The following PPFIA1 variants were observed in gnomAD, a reference collection of about 807,000 sequenced individuals.
The protein encoded by PPFIA1 is liprin-alpha-1.
Under a neutral mutation model 149.9 loss-of-function variants are expected in PPFIA1, and 25 were observed. That is an observed-to-expected ratio of 0.17 (90% CI 0.12 to 0.23). The LOEUF is 0.23. Ranked by LOEUF, PPFIA1 falls within the 10% of genes least tolerant of loss-of-function variation. The probability of loss-of-function intolerance (pLI) is 1.00; values close to 1 mark genes in which losing one functional copy is unlikely to be tolerated. For missense variants in PPFIA1, 1,362 were observed against 1,506.5 expected, an observed-to-expected ratio of 0.90 and a Z score of 1.59; for synonymous variants, 549 against 552.8, an observed-to-expected ratio of 0.99 and a Z score of 0.10.
intron 2 of PPFIA1, among the ~76,000 whole-genome samples, chr11:70,296,282 C>T (rs572739289): frequency 2.1e-4 from 32 of 152,016 alleles, no homozygotes; most frequent in African/African-American, 7.2e-4. Flanking sequence ...GACGGGGTGG[C>T]GGCCGGGCAG....
intron 2 of PPFIA1, among the ~76,000 whole-genome samples, chr11:70,322,068 G>C (rs962556592): frequency 1.3e-5 from 2 of 152,038 alleles, no homozygotes; most frequent in African/African-American, 4.8e-5. Context: ...TAGTAGAGAT[G>C]GTGTTTCTCC....
intron 2 of PPFIA1, among the ~76,000 whole-genome samples, chr11:70,315,678 G>GTTTTTTTTT (rs71049904): frequency 5.5e-5 from 4 of 73,014 alleles, no homozygotes; most frequent in South Asian, 6.2e-4. Flanking sequence ...CTTTTTTTCT[G>GTTTTTTTTT]TTTTTTTTTT....
chr11:70,283,886 C>T (rs1369530460), intron 2 of PPFIA1: 1 of 470,322 alleles, frequency 2.1e-6, no homozygotes, highest in East Asian at 6.9e-5. Flanking sequence ...GCAGTGGAGC[C>T]CCCTCAACAA....
At chr11:70,299,897 C>A (rs969717848) in intron 2 of PPFIA1, among the ~76,000 whole-genome samples, 2 of 152,248 alleles carry the variant, frequency 1.3e-5, no homozygotes, top group African/African-American at 4.8e-5. Flanking sequence ...ACCAGCCTAA[C>A]CTCAGCCATC....
intron 23 of PPFIA1, among the ~76,000 whole-genome samples, 170 bp downstream of exon 23, chr11:70,372,744 A>AGTTCCT (rs2135393750): frequency 6.6e-6 from 1 of 152,342 alleles, no homozygotes; most frequent in African/African-American, 2.4e-5. Flanking sequence ...AGTGCTTTTG[A>AGTTCCT]GATTCTCTTC....
intron 5 of PPFIA1, 29 bp downstream of exon 5, chr11:70,325,603 A>G: frequency 4.2e-6 from 6 of 1,428,124 alleles, no homozygotes; most frequent in South Asian, 1.1e-5. Context: ...CATGAGTTGA[A>G]TTGGGGGGGG....
At chr11:70,341,376 AG>A (rs1017175437) in intron 14 of PPFIA1, among the ~76,000 whole-genome samples, 1 of 152,062 alleles carries the variant, frequency 6.6e-6, no homozygotes, top group African/African-American at 2.4e-5. Context: ...AGATTTGCTG[AG>A]GGATTGGATC....
At chr11:70,365,366 A>G (rs1372337567) in intron 21 of PPFIA1, 3 of 456,134 alleles carry the variant, frequency 6.6e-6, no homozygotes, top group Non-Finnish European at 1.3e-5. Flanking sequence ...CACTGGGGTC[A>G]CCTTAGACCA....
rs144335013 is a variant in PPFIA1 at position 70,324,460 on chromosome 11, A to G, written c.323A>G (p.Glu108Gly). Reference sequence around the variant, plus strand: ...TGCAGGGAACAGCTCCTTGAAAGGGAAGAAGAAATTGCTGAACTGAAAGCA... The same window carrying G: ...TGCAGGGAACAGCTCCTTGAAAGGGGAGAAGAAATTGCTGAACTGAAAGCA... ...NVCREQLLER[E>G]EEIAELKAER... Residue 108 changes from glutamate (E) to glycine (G), a missense_variant, in exon 3 of 28, where the codon GAA becomes GGA. By Grantham distance (98) the Glu-to-Gly change is moderately conservative. Transcript: ENST00000253925. 73 of 1,613,778 alleles carry G rather than the reference A, an allele frequency of 4.5e-5. No homozygotes were observed. In the African/African-American group the frequency reaches 9.2e-4, roughly 20 times the overall value.
At chr11:70,351,048 A>G (rs1316310998) in intron 16 of PPFIA1, 2 of 1,170,924 alleles carry the variant, frequency 1.7e-6, no homozygotes, top group Non-Finnish European at 2.2e-6. Context: ...AATTTAACAT[A>G]TCTTTGTATC....
intron 15 of PPFIA1, among the ~76,000 whole-genome samples, chr11:70,346,588 T>C: frequency 6.6e-6 from 1 of 152,104 alleles, no homozygotes; most frequent in East Asian, 1.9e-4. Flanking sequence ...TGGGGGCCCT[T>C]TGAAGGAGGA....
intron 21 of PPFIA1, chr11:70,365,162 C>A (rs1012662435): frequency 4.6e-6 from 1 of 218,882 alleles, no homozygotes. Flanking sequence ...CTAAAGCTCT[C>A]GTCATCGTGT....
chr11:70,322,590 T>G (rs200051231), intron 2 of PPFIA1, among the ~76,000 whole-genome samples: 1 of 152,208 alleles, frequency 6.6e-6, no homozygotes, highest in African/African-American at 2.4e-5. Context: ...TCATTAGTAT[T>G]GTTGGCATTT....
chr11:70,342,345 G>A (rs1430224696), intron 14 of PPFIA1, among the ~76,000 whole-genome samples: 3 of 152,198 alleles, frequency 2.0e-5, no homozygotes, highest in Non-Finnish European at 2.9e-5. Flanking sequence ...AAGGTCGCCA[G>A]TTGGGAGTGA....
In PPFIA1 at chr11:70,272,425, G is replaced by T. The variant is rs750055227; in HGVS notation, c.253G>T (p.Ala85Ser). Residue 85 changes from alanine (A) to serine (S), a missense_variant, in exon 2 of 28, where the codon GCA becomes TCA. By Grantham distance (99) the Ala-to-Ser change is moderately conservative. Coordinates refer to ENST00000253925, the MANE Select transcript of PPFIA1 (RefSeq NM_003626.5). ...TTCCTTGCAGAGACAGCTCAACACGGCACTTCCACAGGTATGAGTGCTTTT... is the reference window on the plus strand; with the variant it reads ...TTCCTTGCAGAGACAGCTCAACACGTCACTTCCACAGGTATGAGTGCTTTT... The part of the protein sequence containing the change: ...RDSLQRQLNT[A>S]LPQEFAALTK... The T allele has an allele frequency of 3.1e-6, 5 of 1,612,156 alleles. No individual in the cohort carries two copies. Among genetic ancestry groups the T allele is most frequent in the Non-Finnish European group, 4.2e-6 (5 of 1,178,772 alleles).
intron 2 of PPFIA1, among the ~76,000 whole-genome samples, chr11:70,290,449 A>G (rs1180367024): frequency 1.3e-5 from 2 of 152,228 alleles, no homozygotes; most frequent in Non-Finnish European, 2.9e-5. Context: ...ACTCTCAGAA[A>G]TGAAGCATAG....
chr11:70,338,297 A>G, intron 12 of PPFIA1, 77 bp from the exon 13 acceptor site: 5 of 1,186,310 alleles, frequency 4.2e-6, no homozygotes, highest in East Asian at 2.3e-5. Flanking sequence ...TATGCCCAAC[A>G]TCTGAGCACA....
intron 2 of PPFIA1, among the ~76,000 whole-genome samples, chr11:70,315,021 G>C (rs553499448): frequency 6.6e-6 from 1 of 152,262 alleles, no homozygotes; most frequent in Admixed American, 6.5e-5. Flanking sequence ...GATCTCGTGA[G>C]ACTCACTCAC....
chr11:70,363,451 T>C (rs978894936), intron 21 of PPFIA1: 1 of 152,272 alleles, frequency 6.6e-6, no homozygotes, highest in African/African-American at 2.4e-5. Context: ...GTAAAATTTT[T>C]CTGTCTAGTT....
Sources: allele counts gnomAD v4.1 joint callset (sites outside exome capture counted in the v4.1 genomes callset), GRCh38; gene constraint gnomAD v4.1.1; transcripts MANE v1.5; gene names NCBI Gene and HGNC (gene_info 2026-07-23, HGNC 2026-07-21).